RBFOX1: variants seen among roughly 807,000 people sequenced by gnomAD.
RBFOX1 encodes the protein RNA binding protein fox-1 homolog 1.
Under a neutral mutation model 57.7 loss-of-function variants are expected in RBFOX1, and 8 were observed. That is an observed-to-expected ratio of 0.14 (90% CI 0.08 to 0.25). The LOEUF (loss-of-function observed/expected upper bound fraction) is 0.25, where lower values mean the gene tolerates loss of function less well. Among genes scored for constraint, RBFOX1 ranks in the 10% least tolerant of loss-of-function variants. The pLI is 1.00. For synonymous variants in RBFOX1, 326 were observed against 222.4 expected, an observed-to-expected ratio of 1.47 and a Z score of -4.15; for missense variants, 611 against 548.5, an observed-to-expected ratio of 1.11 and a Z score of -1.14.
At chr16:7,135,479 G>A (rs117664737) in intron 4 of RBFOX1, among the ~76,000 whole-genome samples, 4,011 of 152,316 alleles carry the variant, frequency 0.026, 78 homozygotes, top group Non-Finnish European at 0.039. Context: ...AAAGGGATCC[G>A]TGAATACTAA....
At chr16:5,756,466 C>T (rs1308971651) in intron 3 of RBFOX1, among the ~76,000 whole-genome samples, 2 of 152,124 alleles carry the variant, frequency 1.3e-5, no homozygotes, top group Non-Finnish European at 2.9e-5. Context: ...TTTGTCACAT[C>T]TCCCAAATGC....
At chr16:7,514,824 C>T (rs995983400) in intron 4 of RBFOX1, among the ~76,000 whole-genome samples, 4 of 152,152 alleles carry the variant, frequency 2.6e-5, no homozygotes, top group Non-Finnish European at 5.9e-5. Flanking sequence ...AGCTCTTTTG[C>T]AAGAACTAGT....
intron 4 of RBFOX1, among the ~76,000 whole-genome samples, chr16:7,161,093 G>A (rs1040820069): frequency 2.0e-5 from 3 of 151,604 alleles, no homozygotes; most frequent in African/African-American, 7.3e-5. Flanking sequence ...TATTTGCAGA[G>A]TGTATTTAGT....
intron 4 of RBFOX1, among the ~76,000 whole-genome samples, chr16:7,090,410 G>A (rs1323061287): frequency 2.0e-5 from 3 of 152,116 alleles, no homozygotes; most frequent in African/African-American, 4.8e-5. Context: ...TCTCTAGACT[G>A]ACTTTGTCAT....
chr16:6,850,419 T>C (rs2093999831), intron 3 of RBFOX1, among the ~76,000 whole-genome samples: 1 of 152,078 alleles, frequency 6.6e-6, no homozygotes, highest in Admixed American at 6.6e-5. Flanking sequence ...GGAGGTGATG[T>C]TCAAGCTGAG....
intron 3 of RBFOX1, among the ~76,000 whole-genome samples, chr16:6,886,093 C>T (rs1332697315): frequency 2.0e-4 from 29 of 145,576 alleles, no homozygotes; most frequent in East Asian, 6.2e-4. Context: ...GACGGAGTCT[C>T]GCTCTGTCAC....
chr16:5,326,327 A>G (rs1488143971), intron 1 of RBFOX1, among the ~76,000 whole-genome samples: 2 of 152,168 alleles, frequency 1.3e-5, no homozygotes, highest in East Asian at 1.9e-4. Context: ...CACCAAACAG[A>G]CTCAGAGGTT....
At chr16:6,063,489 A>T in intron 1 of RBFOX1, among the ~76,000 whole-genome samples, 1 of 106,444 alleles carries the variant, frequency 9.4e-6, no homozygotes, top group African/African-American at 3.7e-5. Context: ...ACACACACAC[A>T]CACACACACA....
chr16:5,943,033 GC>G (rs1444980401), intron 4 of RBFOX1, among the ~76,000 whole-genome samples: 1 of 152,168 alleles, frequency 6.6e-6, no homozygotes, highest in African/African-American at 2.4e-5. Flanking sequence ...AGTATGGGGG[GC>G]CATGACCCCA....
chr16:5,608,711 G>A (rs539857360), intron 3 of RBFOX1, among the ~76,000 whole-genome samples: 227 of 152,334 alleles, frequency 1.5e-3, no homozygotes, highest in African/African-American at 5.3e-3. Flanking sequence ...AATAGTTGTA[G>A]GGCTAACAGT....
In RBFOX1 at chr16:7,118,028, C is replaced by T. The variant is rs369085724; in HGVS notation, c.27+65930C>T. Reference sequence around the variant, plus strand: ...CTCTTTGCAATTGTGAATTGTGCTGCATTAAGCATGCACATGCAGGTGTGT... The same window carrying T: ...CTCTTTGCAATTGTGAATTGTGCTGTATTAAGCATGCACATGCAGGTGTGT... On this transcript the variant is annotated intron_variant, in intron 4 of 15. Coordinates refer to ENST00000550418, the MANE Select transcript of RBFOX1 (RefSeq NM_018723.4). Among the ~76,000 whole-genome samples, 66 of 152,274 alleles carry T rather than the reference C, an allele frequency of 4.3e-4. 2 individuals carry two copies. The South Asian group carries it at 0.013, about 31-fold the overall frequency.
At chr16:7,011,706 G>C (rs1334430546) in intron 3 of RBFOX1, among the ~76,000 whole-genome samples, 7 of 152,078 alleles carry the variant, frequency 4.6e-5, no homozygotes, top group Non-Finnish European at 1.0e-4. Flanking sequence ...GTAGAGATGG[G>C]AGTTTCACCA....
chr16:6,589,339 T>TAA (rs2097677290), intron 2 of RBFOX1, among the ~76,000 whole-genome samples: 1 of 152,034 alleles, frequency 6.6e-6, no homozygotes, highest in Non-Finnish European at 1.5e-5. Flanking sequence ...GAGACCAGCG[T>TAA]GTTGTTATTA....
intron 4 of RBFOX1, among the ~76,000 whole-genome samples, chr16:7,305,048 A>G (rs1180204109): frequency 1.3e-5 from 2 of 150,014 alleles, no homozygotes; most frequent in South Asian, 2.1e-4. Context: ...TCTGCCTTCA[A>G]ACTCACTGGC....
intron 1 of RBFOX1, among the ~76,000 whole-genome samples, chr16:6,069,651 T>C (rs1232076344): frequency 6.6e-6 from 1 of 152,172 alleles, no homozygotes; most frequent in Non-Finnish European, 1.5e-5. Context: ...AACATTTCAC[T>C]GCAATAATGA....
intron 14 of RBFOX1, among the ~76,000 whole-genome samples, chr16:7,702,778 AAGCAACAACTCATTGGTAATGATACC>A (rs1313351748): frequency 5.3e-5 from 8 of 152,222 alleles, no homozygotes; most frequent in African/African-American, 1.9e-4. Flanking sequence ...GGATGGGCAA[AAGCAACAACTCATTGGTAATGATACC>A]AGCAACAATG....
At chr16:7,153,381 C>T (rs897745475) in intron 4 of RBFOX1, among the ~76,000 whole-genome samples, 1 of 152,036 alleles carries the variant, frequency 6.6e-6, no homozygotes, top group Non-Finnish European at 1.5e-5. Context: ...TTAGTCTTTC[C>T]TTCCTGTCCC....
At chr16:7,216,597 G>A (rs2092086702) in intron 4 of RBFOX1, among the ~76,000 whole-genome samples, 3 of 152,272 alleles carry the variant, frequency 2.0e-5, no homozygotes, top group East Asian at 3.9e-4. Context: ...GGTAGAGGTT[G>A]CAGTGAGCCC....
chr16:5,763,272 C>T (rs1045977532), intron 3 of RBFOX1, among the ~76,000 whole-genome samples: 2 of 152,186 alleles, frequency 1.3e-5, no homozygotes, highest in African/African-American at 2.4e-5. Context: ...TGGCCTGGAC[C>T]CTCCTTAGGA....
Sources: gnomAD v4.1 joint callset for allele counts (sites outside exome capture counted in the v4.1 genomes callset) on GRCh38, gnomAD v4.1.1 for gene constraint, MANE v1.5 for transcripts, NCBI Gene and HGNC (gene_info 2026-07-23, HGNC 2026-07-21) for gene names.